P2RY2: variants seen among roughly 807,000 people sequenced by gnomAD.
P2RY2 encodes the protein P2Y purinoceptor 2.
For synonymous variants in P2RY2, 241 were observed against 231.9 expected (o/e 1.04, Z -0.35); for missense variants, 567 against 515.7 (o/e 1.10, Z -0.96).
intron 1 of P2RY2, among the ~76,000 whole-genome samples, chr11:73,227,040 A>G (rs1447763759): frequency 6.6e-6 from 1 of 151,982 alleles, no homozygotes; most frequent in Non-Finnish European, 1.5e-5. Context: ...TCAACCCATC[A>G]CCTACATTAG....
At position 73,219,174 on chromosome 11, in the gene P2RY2, C is replaced by T. The variant is rs561736233; in HGVS notation, c.-200+742C>T. ...TGGGGTCCATGGCTGCTGTTCCTCT[C>T]AGCATGGCATCCCCAGCTTCCCAGG... On this transcript the variant is annotated intron_variant, in intron 1 of 2. Coordinates refer to ENST00000393597, the MANE Select transcript of P2RY2 (RefSeq NM_002564.4). 6.6e-5 allele frequency among the ~76,000 whole-genome samples: 10 copies of T among 152,332 alleles called. No homozygotes were observed. The East Asian group carries it at 1.9e-3, about 29-fold the overall frequency.
In P2RY2 at chr11:73,234,783, G is replaced by C. The variant is rs573698017; in HGVS notation, c.624G>C (p.Ala208=). 6.2e-7 allele frequency: 1 copy of C among 1,611,744 alleles called. No individual in the cohort carries two copies. Among genetic ancestry groups the C allele is most frequent in the South Asian group, 1.1e-5 (1 of 91,078 alleles). ...YSSVMLGLLF[A]VPFAVILVCY... ...CAGTCATGCTGGGCCTGCTCTTCGCGGTGCCCTTTGCCGTCATCCTTGTCT... is the reference window on the plus strand; with the variant it reads ...CAGTCATGCTGGGCCTGCTCTTCGCCGTGCCCTTTGCCGTCATCCTTGTCT... The change falls in exon 3 of 3, where the codon GCG becomes GCC. Residue 208 remains alanine, a synonymous_variant. Coordinates refer to ENST00000393597, the MANE Select transcript of P2RY2 (RefSeq NM_002564.4).
chr11:73,220,352 C>T (rs564296922), intron 1 of P2RY2, among the ~76,000 whole-genome samples: 1 of 152,296 alleles, frequency 6.6e-6, no homozygotes, highest in Non-Finnish European at 1.5e-5. Flanking sequence ...TTTCAGAAAG[C>T]GCTCTCTGGC....
rs114550522 is a variant in P2RY2, at chr11:73,238,376, G to A, written c.*3083G>A. Among the ~76,000 whole-genome samples the A allele has an allele frequency of 0.016, 2,418 of 152,294 alleles. 76 individuals are homozygous for A. The highest frequency in any genetic ancestry group is 0.056 in the African/African-American group (2,326 of 41,542). On this transcript the variant is annotated 3_prime_UTR_variant, in exon 3 of 3. Transcript: ENST00000393597. ...TGGCACACAGGGGTCTCTGCCCTGGGTGGCAGGTGTCCCAGGGTCCAGGAG... is the reference window on the plus strand; with the variant it reads ...TGGCACACAGGGGTCTCTGCCCTGGATGGCAGGTGTCCCAGGGTCCAGGAG...
At chr11:73,224,851 C>T (rs1419207148) in intron 1 of P2RY2, among the ~76,000 whole-genome samples, 1 of 152,200 alleles carries the variant, frequency 6.6e-6, no homozygotes, top group Non-Finnish European at 1.5e-5. Context: ...AATATTCTCT[C>T]TTACTATTTC....
In P2RY2 at chr11:73,237,437, A is replaced by C. The variant is rs1367182592; in HGVS notation, c.*2144A>C. On this transcript the variant is annotated 3_prime_UTR_variant, in exon 3 of 3. Coordinates refer to ENST00000393597, the MANE Select transcript of P2RY2 (RefSeq NM_002564.4). ...TAATTTTTGTATTTTTAATAGAGAC[A>C]GGGTTTCGCCATGTTGGCCAGGCTG... 5.9e-5 allele frequency among the ~76,000 whole-genome samples: 9 copies of C among 152,034 alleles called. No individual in the cohort carries two copies. The highest frequency in any genetic ancestry group is 1.3e-4 in the Non-Finnish European group (9 of 68,002).
At chr11:73,230,989 G>A (rs1276464769) in intron 2 of P2RY2, among the ~76,000 whole-genome samples, 1 of 152,112 alleles carries the variant, frequency 6.6e-6, no homozygotes, top group Non-Finnish European at 1.5e-5. Context: ...GTAGAGCCTG[G>A]AACGAAGTTG....
At chr11:73,219,556 C>T (rs2135626569) in intron 1 of P2RY2, among the ~76,000 whole-genome samples, 1 of 152,314 alleles carries the variant, frequency 6.6e-6, no homozygotes, top group East Asian at 1.9e-4. Context: ...GATGGGAAGT[C>T]AGTCCCTGGA....
In P2RY2 at chr11:73,240,767, C is replaced by T. The variant is rs1591645750; in HGVS notation, c.*5474C>T. 1 of 152,436 alleles carries T rather than the reference C, an allele frequency of 6.6e-6. No individual in the cohort carries two copies. The allele number at this position is 152,436 out of a possible 1,614,324, so 9.4% of individuals were successfully genotyped here. Reference sequence around the variant, plus strand: ...TCACCACTGAGCTTCCTGGGATGGGCACCTGGGATAGCAGCCCAAGTGGTG... The same window carrying T: ...TCACCACTGAGCTTCCTGGGATGGGTACCTGGGATAGCAGCCCAAGTGGTG... On this transcript the variant is annotated 3_prime_UTR_variant, in exon 3 of 3. Coordinates refer to ENST00000393597, the MANE Select transcript of P2RY2 (RefSeq NM_002564.4).
chr11:73,231,098 T>A (rs1031871471), intron 2 of P2RY2, among the ~76,000 whole-genome samples: 2 of 152,186 alleles, frequency 1.3e-5, no homozygotes, highest in Non-Finnish European at 2.9e-5. Flanking sequence ...TGGCACCACA[T>A]AAGCATCTCC....
At chr11:73,229,094 T>A (rs1332575941) in intron 2 of P2RY2, among the ~76,000 whole-genome samples, 1 of 152,134 alleles carries the variant, frequency 6.6e-6, no homozygotes, top group African/African-American at 2.4e-5. Flanking sequence ...AAGCATCAGA[T>A]GGACCCAGCC....
rs112611018 is a variant in P2RY2 at position 73,223,199 on chromosome 11, T to C, written c.-200+4767T>C. ...ATCCTGGAGGTACCTGGAGGGGCCA[T>C]CTCAGAATCAGAGGCTCATGTGGTT... On this transcript the variant is annotated intron_variant, in intron 1 of 2. Transcript: ENST00000393597. 2.0e-3 allele frequency among the ~76,000 whole-genome samples: 303 copies of C among 152,316 alleles called. 2 individuals carry two copies. The highest frequency in any genetic ancestry group is 6.9e-3 in the African/African-American group (287 of 41,566).
In P2RY2 at chr11:73,238,785, C is replaced by T. The variant is rs943898528; in HGVS notation, c.*3492C>T. Reference sequence around the variant, plus strand: ...TCCAGGTTCACCTGATGGCCAGAATCATGCCCTTTATAGTGCCCCACGACA... The same window carrying T: ...TCCAGGTTCACCTGATGGCCAGAATTATGCCCTTTATAGTGCCCCACGACA... On this transcript the variant is annotated 3_prime_UTR_variant, in exon 3 of 3. Coordinates refer to ENST00000393597, the MANE Select transcript of P2RY2 (RefSeq NM_002564.4). 8.5e-5 allele frequency among the ~76,000 whole-genome samples: 13 copies of T among 152,344 alleles called. No individual in the cohort carries two copies. The highest frequency in any genetic ancestry group is 2.6e-4 in the African/African-American group (11 of 41,580).
intron 1 of P2RY2, among the ~76,000 whole-genome samples, chr11:73,222,451 T>C (rs557160902): frequency 1.3e-5 from 2 of 152,262 alleles, no homozygotes; most frequent in African/African-American, 4.8e-5. Context: ...AGGTTGACTC[T>C]GACCATGTCC....
rs1862628033 is a variant in P2RY2, at chr11:73,235,547, A to ATGACACCCCTGGCC, written c.*259_*272dup. Reference sequence around the variant, plus strand: ...CAAGAAAGGCAAGAGCTCAAGGTCAATGACACCCCTGGCCTGACTCCCATG... The same window carrying ATGACACCCCTGGCC: ...CAAGAAAGGCAAGAGCTCAAGGTCAATGACACCCCTGGCCTGACACCCCTGGCCTGACTCCCATG... On this transcript the variant is annotated 3_prime_UTR_variant, in exon 3 of 3. Coordinates refer to ENST00000393597, the MANE Select transcript of P2RY2 (RefSeq NM_002564.4). The ATGACACCCCTGGCC allele has an allele frequency of 2.1e-5, 26 of 1,229,588 alleles. No individual in the cohort carries two copies. Among genetic ancestry groups the ATGACACCCCTGGCC allele is most frequent in the Non-Finnish European group, 2.6e-5 (25 of 976,620 alleles). 76.2% of individuals were successfully genotyped at this position (1,229,588 alleles called of 1,614,324 possible). A position where few individuals can be genotyped will look rare whatever the true frequency, so the allele number is the denominator to read the frequency against.
Position 73,236,750 on chromosome 11 carries a change from G to A in P2RY2, c.*1457G>A. ...CTCCTGTCCATCGTCTGCCTTCTGG[G>A]AAAATCCCAGAATGGCAGGGTGGTG... On this transcript the variant is annotated 3_prime_UTR_variant, in exon 3 of 3. Coordinates refer to ENST00000393597, the MANE Select transcript of P2RY2 (RefSeq NM_002564.4). 1.0e-6 allele frequency: 1 copy of A among 985,400 alleles called. No homozygotes were observed. 61.0% of individuals were successfully genotyped at this position (985,400 alleles called of 1,614,324 possible).
At chr11:73,222,370 G>A (rs913517377) in intron 1 of P2RY2, among the ~76,000 whole-genome samples, 12 of 151,968 alleles carry the variant, frequency 7.9e-5, no homozygotes, top group African/African-American at 1.7e-4. Context: ...CGTATGTGTC[G>A]TCTCCTCCTT....
At position 73,234,923 on chromosome 11, in the gene P2RY2, C is replaced by T. The variant is rs772249808; in HGVS notation, c.764C>T (p.Ala255Val). 3.1e-6 allele frequency: 5 copies of T among 1,610,842 alleles called. No homozygotes were observed. Among genetic ancestry groups the T allele is most frequent in the Admixed American group, 1.7e-5 (1 of 60,014 alleles). ...RTIAVVLAVF[A>V]LCFLPFHVTR... ...ATCGCCGTGGTGCTGGCTGTCTTCG[C>T]CCTCTGCTTCCTGCCATTCCACGTC... The change falls in exon 3 of 3, where the codon GCC (alanine) becomes GTC (valine). Residue 255 changes from alanine to valine, a missense_variant. By Grantham distance (64) the Ala-to-Val change is moderately conservative (BLOSUM62 0). Coordinates refer to ENST00000393597, the MANE Select transcript of P2RY2 (RefSeq NM_002564.4).
chr11:73,222,334 G>A (rs1233213347), intron 1 of P2RY2, among the ~76,000 whole-genome samples: 1 of 152,048 alleles, frequency 6.6e-6, no homozygotes, highest in Non-Finnish European at 1.5e-5. Context: ...CCAGGGCCAA[G>A]GGACCTGCTC....
Sources: gnomAD v4.1 joint callset for allele counts (sites outside exome capture counted in the v4.1 genomes callset) on GRCh38, gnomAD v4.1.1 for gene constraint, MANE v1.5 for transcripts, NCBI Gene and HGNC (gene_info 2026-07-23, HGNC 2026-07-21) for gene names.